The following PHLDB2 variants were observed in gnomAD, a reference collection of about 807,000 sequenced individuals.
PHLDB2 encodes the protein pleckstrin homology like domain family B member 2.
PHLDB2 carries 71 observed loss-of-function variants against 123.6 expected under a neutral mutation model. The observed-to-expected ratio is 0.57, with a 90% CI of 0.47 to 0.70. The LOEUF is 0.70. Ranked by LOEUF, PHLDB2 falls within the 30% of genes least tolerant of loss-of-function variation. PHLDB2 has a pLI of 0.00. For missense variants in PHLDB2, 1,446 were observed against 1,519.5 expected (o/e 0.95, Z 0.80); for synonymous variants, 547 against 541.6 (o/e 1.01, Z -0.14).
At chr3:111,882,132 T>C (rs2065962007) in intron 1 of PHLDB2, among the ~76,000 whole-genome samples, 1 of 152,238 alleles carries the variant, frequency 6.6e-6, no homozygotes, top group South Asian at 2.1e-4. Flanking sequence ...TCTCTCATGA[T>C]GTATTATAGC....
chr3:111,749,632 A>G (rs1430404411), intron 1 of PHLDB2, among the ~76,000 whole-genome samples: 1 of 152,234 alleles, frequency 6.6e-6, no homozygotes, highest in African/African-American at 2.4e-5. Flanking sequence ...ATTGCCTTGC[A>G]GGAACTTCTT....
chr3:111,951,640 A>G (rs753894218), intron 10 of PHLDB2, among the ~76,000 whole-genome samples: 6 of 152,164 alleles, frequency 3.9e-5, no homozygotes, highest in Non-Finnish European at 7.3e-5. Flanking sequence ...CAATGTTAAG[A>G]TTTTGTGAAG....
intron 5 of PHLDB2, among the ~76,000 whole-genome samples, chr3:111,930,995 T>C (rs1317957280): frequency 6.6e-6 from 1 of 152,248 alleles, no homozygotes; most frequent in Admixed American, 6.5e-5. Flanking sequence ...ATTTGAACCA[T>C]AACATCTTTT....
intron 1 of PHLDB2, chr3:111,779,924 G>C (rs1314956292): frequency 1.1e-5 from 10 of 923,024 alleles, no homozygotes; most frequent in South Asian, 5.0e-5. Flanking sequence ...CCAACACTTG[G>C]CTATTTATCA....
intron 9 of PHLDB2, 159 bp downstream of exon 9, chr3:111,945,516 T>C: frequency 4.5e-6 from 3 of 661,278 alleles, no homozygotes; most frequent in South Asian, 3.4e-5. Context: ...ATGTATGCTT[T>C]GAGGATTTCA....
chr3:111,894,837 T>C (rs2066725528), intron 2 of PHLDB2, among the ~76,000 whole-genome samples: 2 of 152,152 alleles, frequency 1.3e-5, no homozygotes, highest in Non-Finnish European at 2.9e-5. Context: ...TTTTTGTCAC[T>C]GGGTAATATA....
At chr3:111,782,759 C>A (rs2060529625) in intron 1 of PHLDB2, among the ~76,000 whole-genome samples, 1 of 152,094 alleles carries the variant, frequency 6.6e-6, no homozygotes, top group African/African-American at 2.4e-5. Context: ...AAGGCAACAA[C>A]CCTCTCTACT....
chr3:111,737,867 G>A lies in PHLDB2; in HGVS notation c.-49+5164G>A, dbSNP rs568053952. On this transcript the variant is annotated intron_variant, in intron 1 of 17. Transcript: ENST00000393923. ...GTACTTCTGTGGAATGATGGCTTTC[G>A]TCCATGGGGCCTACTTTGTGGTGAT... 3.9e-5 allele frequency among the ~76,000 whole-genome samples: 6 copies of A among 152,110 alleles called. No individual in the cohort carries two copies. In the East Asian group the frequency reaches 7.7e-4, roughly 20 times the overall value.
chr3:111,749,881 T>C (rs2059741142), intron 1 of PHLDB2, among the ~76,000 whole-genome samples: 1 of 152,230 alleles, frequency 6.6e-6, no homozygotes. Flanking sequence ...TTCCATTTCA[T>C]GGTAAATATT....
rs71131974 is a variant in PHLDB2 at position 111,740,355 on chromosome 3, T to TGA, written c.-49+7673_-49+7674dup. On this transcript the variant is annotated intron_variant, in intron 1 of 17. Transcript: ENST00000393923. ...TGCCTATTATTGTCCTCATTAAATA[T>TGA]GAGAGAGAGAGAGAGAGAGAGAATT... Among the ~76,000 whole-genome samples, 130 of 150,466 alleles carry TGA rather than the reference T, an allele frequency of 8.6e-4. No homozygotes were observed. The South Asian group carries it at 0.012, about 14-fold the overall frequency.
At chr3:111,891,662 G>A (rs1577011401) in intron 2 of PHLDB2, among the ~76,000 whole-genome samples, 1 of 152,000 alleles carries the variant, frequency 6.6e-6, no homozygotes, top group Non-Finnish European at 1.5e-5. Context: ...CATGTCCATG[G>A]AAAAATTGTC....
At chr3:111,759,276 G>A (rs1352302396) in intron 1 of PHLDB2, among the ~76,000 whole-genome samples, 1 of 152,176 alleles carries the variant, frequency 6.6e-6, no homozygotes, top group African/African-American at 2.4e-5. Context: ...ATCAAGTGGG[G>A]ATCCACTTTC....
intron 13 of PHLDB2, among the ~76,000 whole-genome samples, chr3:111,964,338 G>GTAT (rs2071610124): frequency 1.3e-5 from 2 of 151,770 alleles, no homozygotes; most frequent in African/African-American, 4.8e-5. Context: ...AAATGTGTTG[G>GTAT]TATTATTATT....
chr3:111,932,224 G>T, intron 5 of PHLDB2, 45 bp from the exon 6 acceptor site: 1 of 1,542,568 alleles, frequency 6.5e-7, no homozygotes, highest in Non-Finnish European at 8.8e-7. Context: ...CTGCTTGGGG[G>T]TGTGAAGGTA....
Position 111,940,549 on chromosome 3 carries a change from A to G in PHLDB2, c.2301A>G (p.Ala767=), listed in dbSNP as rs761012356. The G allele has an allele frequency of 6.2e-7, 1 of 1,600,204 alleles. No homozygotes were observed. Among genetic ancestry groups the G allele is most frequent in the African/African-American group, 1.3e-5 (1 of 74,426 alleles). The part of the protein sequence containing the change: ...NIVSRKEKIS[A]LKKQANHIVQ... Reference sequence around the variant, plus strand: ...TTTTCCTCCAGGAAAAAATTTCTGCATTGAAAAAGCAAGCCAATCACATTG... The same window carrying G: ...TTTTCCTCCAGGAAAAAATTTCTGCGTTGAAAAAGCAAGCCAATCACATTG... The change falls in exon 8 of 18, where the codon GCA becomes GCG. Residue 767 remains alanine (A), a synonymous_variant. Coordinates refer to ENST00000431670, the MANE Select transcript of PHLDB2 (RefSeq NM_001134438.2).
chr3:111,953,990 G>A lies in PHLDB2; in HGVS notation c.2833G>A (p.Ala945Thr). Residue 945 changes from alanine (A) to threonine (T), a missense_variant, in exon 12 of 18, where the codon GCC becomes ACC. This residue lies in a region of PHLDB2 where 594 missense variants were observed against 646.0 expected (regional missense o/e 0.92). Transcript: ENST00000431670. Reference protein sequence around the residue: ...CGSVLPPSLAAMAKDSESRRM... With the variant: ...CGSVLPPSLATMAKDSESRRM... ...AAGTGTGCTCCCTCCCTCACTGGCA[G>A]CCATGGCCAAAGACTCAGAATCTCG... The A allele has an allele frequency of 6.2e-7, 1 of 1,613,684 alleles. No homozygotes were observed. Among genetic ancestry groups the A allele is most frequent in the East Asian group, 2.2e-5 (1 of 44,854 alleles).
chr3:111,947,031 G>T (rs2070355658), intron 9 of PHLDB2, among the ~76,000 whole-genome samples: 1 of 152,174 alleles, frequency 6.6e-6, no homozygotes, highest in African/African-American at 2.4e-5. Context: ...AAGGTGTCCG[G>T]AATCATGCCA....
chr3:111,897,188 G>A (rs2066924391), intron 2 of PHLDB2, among the ~76,000 whole-genome samples: 1 of 152,186 alleles, frequency 6.6e-6, no homozygotes, highest in Non-Finnish European at 1.5e-5. Flanking sequence ...CATGTAACCT[G>A]TGGGTTTGGC....
chr3:111,941,399 A>G (rs1345388877), intron 8 of PHLDB2, among the ~76,000 whole-genome samples: 4 of 152,330 alleles, frequency 2.6e-5, no homozygotes, highest in Non-Finnish European at 5.9e-5. Context: ...GACCATGAGA[A>G]TGGCATGCAG....
Sources: allele counts gnomAD v4.1 joint callset (sites outside exome capture counted in the v4.1 genomes callset), GRCh38; gene constraint gnomAD v4.1.1; regional missense constraint gnomAD v4.1.1; transcripts MANE v1.5; gene names NCBI Gene and HGNC (gene_info 2026-07-23, HGNC 2026-07-21).